Variants in GLIS3 observed in about 807,000 individuals in gnomAD.
GLIS3 encodes the protein zinc finger protein GLIS3.
A neutral mutation model predicts 78.6 loss-of-function variants in GLIS3; 53 were observed. That is an observed-to-expected ratio of 0.67 (90% CI 0.54 to 0.85). GLIS3 has a LOEUF of 0.85. Among genes scored for constraint, GLIS3 ranks in the 40% least tolerant of loss-of-function variants. GLIS3 has a pLI of 0.00. For missense variants in GLIS3, 1,703 were observed against 1,231.1 expected (o/e 1.38, Z -5.74); for synonymous variants, 684 against 509.9 (o/e 1.34, Z -4.60).
At chr9:3,907,605 A>AACACAC (rs1041005940) in intron 6 of GLIS3, among the ~76,000 whole-genome samples, 4,335 of 92,208 alleles carry the variant, frequency 0.047, 193 homozygotes, top group Middle Eastern at 0.054. Flanking sequence ...CCACCCCCCA[A>AACACAC]ACACACACAC....
chr9:3,869,284 TGTG>T (rs1820822396), intron 8 of GLIS3, among the ~76,000 whole-genome samples: 2 of 151,842 alleles, frequency 1.3e-5, no homozygotes, highest in African/African-American at 4.8e-5. Flanking sequence ...TGTGTGTGTG[TGTG>T]TGTGTGTAAA....
chr9:4,024,763 T>C (rs1248441917), intron 4 of GLIS3, among the ~76,000 whole-genome samples: 1 of 152,198 alleles, frequency 6.6e-6, no homozygotes, highest in South Asian at 2.1e-4. Context: ...AACAGCTCAA[T>C]TGTCACAATC....
At chr9:4,155,594 C>T (rs763610159) in intron 2 of GLIS3, among the ~76,000 whole-genome samples, 1 of 152,156 alleles carries the variant, frequency 6.6e-6, no homozygotes, top group East Asian at 1.9e-4. Flanking sequence ...CATTAGTCAC[C>T]GGTTATCTTT....
chr9:4,058,803 A>G (rs1463620420), intron 4 of GLIS3, among the ~76,000 whole-genome samples: 1 of 151,998 alleles, frequency 6.6e-6, no homozygotes, highest in Non-Finnish European at 1.5e-5. Flanking sequence ...ACACAGTGAA[A>G]CCCCATCTCT....
chr9:4,104,653 C>G (rs1388704143), intron 4 of GLIS3, among the ~76,000 whole-genome samples: 1 of 152,166 alleles, frequency 6.6e-6, no homozygotes, highest in Non-Finnish European at 1.5e-5. Flanking sequence ...AGTCTCTTCT[C>G]TTCTTCCTCT....
At position 3,941,107 on chromosome 9, in the gene GLIS3, C is replaced by T. The variant is rs617192; in HGVS notation, c.1711-3918G>A. 4.4e-3 allele frequency among the ~76,000 whole-genome samples: 669 copies of T among 152,290 alleles called. 6 individuals carry two copies. The highest frequency in any genetic ancestry group is 0.015 in the African/African-American group (633 of 41,564). On this transcript the variant is annotated intron_variant, in intron 4 of 10. Coordinates refer to ENST00000381971, the MANE Select transcript of GLIS3 (RefSeq NM_001042413.2). Reference sequence around the variant, plus strand: ...TCTGATATTCTGATGAACACTACTACAGTGTGAGCAGGTGAGTTAGGGAAT... The same window carrying T: ...TCTGATATTCTGATGAACACTACTATAGTGTGAGCAGGTGAGTTAGGGAAT...
chr9:4,118,626 A>AG lies in GLIS3; in HGVS notation c.851dup (p.Ser285Ter). ...ACCTGGTGGATGAGTGCCGAGGACT[A>AG]GGGTAAGGAGAGTGGCTACTTTCCG... On this transcript the variant is annotated frameshift_variant, in exon 4 of 11. Coordinates refer to ENST00000381971, the MANE Select transcript of GLIS3 (RefSeq NM_001042413.2). LOFTEE classifies it high-confidence loss of function. This position sits in a 1 kb window ranked among gnomAD's most constrained non-coding sequence, Gnocchi z 4.7. 6.2e-7 allele frequency: 1 copy of AG among 1,614,172 alleles called. No homozygotes were observed. Among genetic ancestry groups the AG allele is most frequent in the Non-Finnish European group, 8.5e-7 (1 of 1,180,012 alleles).
rs552707475 is a variant in GLIS3, at chr9:4,306,588, G to C, written n.584+2189C>G. Among the ~76,000 whole-genome samples, 32 of 152,262 alleles carry C rather than the reference G, an allele frequency of 2.1e-4. No homozygotes were observed. In the South Asian group the frequency reaches 6.4e-3, roughly 31 times the overall value. On this transcript the variant is annotated intron_variant and non_coding_transcript_variant, in intron 4 of 4. Transcript: ENST00000471664. ...TCATTTCCAAATTCCTACTGAAATA[G>C]GATTTTTCTCATTCCTAGATAAAAC...
At chr9:4,334,037 A>G (rs1213249294) in intron 2 of GLIS3, among the ~76,000 whole-genome samples, 2 of 152,182 alleles carry the variant, frequency 1.3e-5, no homozygotes, top group African/African-American at 4.8e-5. Flanking sequence ...TGACCTCTTC[A>G]TGAGGCAGAC....
intron 6 of GLIS3, among the ~76,000 whole-genome samples, chr9:3,926,269 C>A (rs1334306335): frequency 2.2e-5 from 3 of 135,560 alleles, no homozygotes; most frequent in Non-Finnish European, 4.6e-5. Flanking sequence ...CTTGCTCTGT[C>A]ACCCACACTA....
the GLIS3 span, among the ~76,000 whole-genome samples, chr9:4,438,073 G>C: frequency 6.6e-6 from 1 of 152,152 alleles, no homozygotes; most frequent in African/African-American, 2.4e-5. Context: ...TCAATGGTCA[G>C]CTGTAGTTGA....
chr9:4,419,903 C>A, the GLIS3 span, among the ~76,000 whole-genome samples: 4 of 152,178 alleles, frequency 2.6e-5, no homozygotes, highest in Non-Finnish European at 5.9e-5. Context: ...TCCCACCAGG[C>A]CTCACCTACC....
At chr9:3,990,407 G>A (rs150807597) in intron 4 of GLIS3, among the ~76,000 whole-genome samples, 127 of 152,260 alleles carry the variant, frequency 8.3e-4, no homozygotes, top group African/African-American at 2.9e-3. Context: ...ACCAAAGATC[G>A]ACCTGCACCT....
intron 3 of GLIS3, among the ~76,000 whole-genome samples, chr9:4,125,132 T>C (rs1004000276): frequency 1.3e-5 from 2 of 152,212 alleles, no homozygotes; most frequent in Non-Finnish European, 1.5e-5. Context: ...TGTGTTGAAA[T>C]GTTATGTAAC....
chr9:4,468,296 T>C, the GLIS3 span, among the ~76,000 whole-genome samples: 1 of 152,090 alleles, frequency 6.6e-6, no homozygotes, highest in African/African-American at 2.4e-5. Context: ...GCCACAAAGA[T>C]ACTCCTTGAG....
At chr9:4,196,442 A>G (rs987473730) in intron 2 of GLIS3, among the ~76,000 whole-genome samples, 4 of 152,244 alleles carry the variant, frequency 2.6e-5, no homozygotes, top group Non-Finnish European at 4.4e-5. Flanking sequence ...GCTCTTTGCG[A>G]TAAATCTTGC....
chr9:3,891,336 A>T lies in GLIS3; in HGVS notation c.2128+7355T>A, dbSNP rs111446261. 2.4e-3 allele frequency among the ~76,000 whole-genome samples: 362 copies of T among 152,264 alleles called. 1 individual carries two copies. The highest frequency in any genetic ancestry group is 6.8e-3 in the Middle Eastern group (2 of 294). On this transcript the variant is annotated intron_variant, in intron 7 of 10. Transcript: ENST00000381971. ...GAAGAAGTGTCATTTCCATTTATAA[A>T]TGTTACATTTGAGCATAGATTGGCT...
intron 2 of GLIS3, among the ~76,000 whole-genome samples, chr9:4,205,255 T>C (rs374045817): frequency 5.3e-5 from 8 of 151,516 alleles, no homozygotes; most frequent in African/African-American, 1.9e-4. Context: ...AAACCCTCTC[T>C]CTCTCTCCTT....
chr9:3,936,221 G>T (rs1288285421), intron 5 of GLIS3, among the ~76,000 whole-genome samples: 1 of 152,142 alleles, frequency 6.6e-6, no homozygotes, highest in Non-Finnish European at 1.5e-5. Flanking sequence ...GTTAAGCGCA[G>T]TGAAATTACA....
Sources: allele counts gnomAD v4.1 joint callset (sites outside exome capture counted in the v4.1 genomes callset), GRCh38; gene constraint gnomAD v4.1.1; non-coding constraint Gnocchi (gnomAD v3.1); transcripts MANE v1.5; gene names NCBI Gene and HGNC (gene_info 2026-07-23, HGNC 2026-07-21).